Variants in SNTG2 observed in about 807,000 individuals in gnomAD.
The protein encoded by SNTG2 is syntrophin gamma 2, also known as gamma-2-syntrophin.
In SNTG2, 74 loss-of-function variants were observed where a neutral mutation model predicts 70.9. The observed-to-expected ratio is 1.04, with a 90% CI of 0.86 to 1.27. SNTG2 has a LOEUF of 1.27. Ranked by LOEUF, SNTG2 falls within the 50% of genes most tolerant of loss-of-function variation. The probability of loss-of-function intolerance (pLI) is 0.00; values close to 1 mark genes in which losing one functional copy is unlikely to be tolerated. For missense variants in SNTG2, 717 were observed against 690.7 expected, an observed-to-expected ratio of 1.04 and a Z score of -0.43; for synonymous variants, 278 against 273.8, an observed-to-expected ratio of 1.02 and a Z score of -0.15.
At chr2:1,272,148 C>T (rs1679056140) in intron 14 of SNTG2, among the ~76,000 whole-genome samples, 1 of 151,958 alleles carries the variant, frequency 6.6e-6, no homozygotes, top group Non-Finnish European at 1.5e-5. Flanking sequence ...ATTATTATTA[C>T]ATTGCAATCT....
At position 1,210,021 on chromosome 2, in the gene SNTG2, G is replaced by A. The variant is rs192123208; in HGVS notation, c.719+791G>A. On this transcript the variant is annotated intron_variant, in intron 9 of 16. Transcript: ENST00000308624. The stretch of plus-strand genomic sequence containing the variant: ...GTATGAATGTGTGTGGCTATAGTAT[G>A]TATGATGGGCAGACAGTACAACCTG... 7.9e-5 allele frequency among the ~76,000 whole-genome samples: 12 copies of A among 152,260 alleles called. No homozygotes were observed. The East Asian group carries it at 2.3e-3, about 29-fold the overall frequency.
chr2:1,360,741 T>G (rs1661094715), intron 16 of SNTG2, among the ~76,000 whole-genome samples: 1 of 152,056 alleles, frequency 6.6e-6, no homozygotes, highest in African/African-American at 2.4e-5. Flanking sequence ...CCCCCCTACA[T>G]CCAGCATCAT....
chr2:1,035,339 A>G (rs1015540033), intron 1 of SNTG2, among the ~76,000 whole-genome samples: 4 of 152,176 alleles, frequency 2.6e-5, no homozygotes, highest in Non-Finnish European at 4.4e-5. Context: ...CTGACTGGCA[A>G]TGATTGTCTG....
At chr2:1,058,143 C>T (rs1338382435) in intron 1 of SNTG2, among the ~76,000 whole-genome samples, 1 of 103,400 alleles carries the variant, frequency 9.7e-6, no homozygotes, top group Non-Finnish European at 1.9e-5. Flanking sequence ...TTGTTGCTGA[C>T]TAAGAGATAT....
chr2:1,105,981 A>T, intron 4 of SNTG2, among the ~76,000 whole-genome samples: 1 of 152,204 alleles, frequency 6.6e-6, no homozygotes. Context: ...GCACACTGTC[A>T]TTGGGGTGCA....
At chr2:985,857 T>C (rs962303529) in intron 1 of SNTG2, among the ~76,000 whole-genome samples, 1 of 152,070 alleles carries the variant, frequency 6.6e-6, no homozygotes, top group African/African-American at 2.4e-5. Flanking sequence ...ATTGCAAGAA[T>C]GATTAATATT....
At chr2:981,348 C>A (rs1661088798) in intron 1 of SNTG2, among the ~76,000 whole-genome samples, 2 of 152,186 alleles carry the variant, frequency 1.3e-5, no homozygotes, top group Admixed American at 1.3e-4. Context: ...GTTGCTGTTT[C>A]CAGGCATGCA....
chr2:1,003,391 A>G (rs1659469162), intron 1 of SNTG2, among the ~76,000 whole-genome samples: 1 of 152,222 alleles, frequency 6.6e-6, no homozygotes, highest in Non-Finnish European at 1.5e-5. Context: ...GACACAAGCC[A>G]GTGGCATCAG....
chr2:1,029,169 ATTTACT>A (rs1194954176), intron 1 of SNTG2, among the ~76,000 whole-genome samples: 3 of 152,128 alleles, frequency 2.0e-5, no homozygotes, highest in Admixed American at 6.5e-5. Flanking sequence ...AATAATTCAT[ATTTACT>A]TTTATGTTTC....
intron 14 of SNTG2, among the ~76,000 whole-genome samples, chr2:1,283,524 C>T (rs1243981892): frequency 6.6e-6 from 1 of 152,192 alleles, no homozygotes; most frequent in Non-Finnish European, 1.5e-5. Context: ...ACAGTCCCCT[C>T]CTTCCCAGAC....
At chr2:1,154,174 C>T (rs879307933) in intron 6 of SNTG2, among the ~76,000 whole-genome samples, 4 of 150,570 alleles carry the variant, frequency 2.7e-5, no homozygotes, top group Non-Finnish European at 4.4e-5. Context: ...CGGGGAGAGG[C>T]GGGAGGAGCA....
chr2:1,219,724 G>A (rs1674629437), intron 9 of SNTG2, among the ~76,000 whole-genome samples: 1 of 151,896 alleles, frequency 6.6e-6, no homozygotes, highest in Non-Finnish European at 1.5e-5. Flanking sequence ...GGGAGGGGAG[G>A]CGGAGAGGAA....
intron 16 of SNTG2, among the ~76,000 whole-genome samples, chr2:1,324,205 G>A (rs1049248752): frequency 9.2e-5 from 14 of 152,226 alleles, no homozygotes; most frequent in African/African-American, 3.4e-4. Flanking sequence ...GTATGGCTGA[G>A]TTGGGATGGT....
chr2:1,123,340 G>T (rs140917912), intron 4 of SNTG2, among the ~76,000 whole-genome samples: 8 of 152,296 alleles, frequency 5.3e-5, no homozygotes, highest in Admixed American at 4.6e-4. Flanking sequence ...ACAGTATGGT[G>T]TTGGTATAAA....
chr2:1,035,510 C>T (rs1222203714), intron 1 of SNTG2, among the ~76,000 whole-genome samples: 1 of 152,240 alleles, frequency 6.6e-6, no homozygotes, highest in Admixed American at 6.5e-5. Context: ...AGGACTGGAA[C>T]CAACTCTCCA....
At chr2:1,026,045 G>C (rs75326625) in intron 1 of SNTG2, among the ~76,000 whole-genome samples, 1 of 152,290 alleles carries the variant, frequency 6.6e-6, no homozygotes, top group Non-Finnish European at 1.5e-5. Context: ...CATGTTTATA[G>C]AAGTTAAAAT....
At chr2:1,171,850 C>T (rs887827038) in intron 7 of SNTG2, among the ~76,000 whole-genome samples, 1 of 152,150 alleles carries the variant, frequency 6.6e-6, no homozygotes, top group East Asian at 1.9e-4. Context: ...GAACGTTGCA[C>T]ATCACATTTG....
chr2:1,241,059 A>C (rs1357649171), intron 11 of SNTG2, among the ~76,000 whole-genome samples: 1 of 152,236 alleles, frequency 6.6e-6, no homozygotes, highest in Non-Finnish European at 1.5e-5. Context: ...AAGTTTTGAC[A>C]TGATCTCTAT....
At chr2:1,221,980 T>C (rs868968476) in intron 9 of SNTG2, among the ~76,000 whole-genome samples, 1 of 26,014 alleles carries the variant, frequency 3.8e-5, no homozygotes, top group African/African-American at 2.6e-4. Flanking sequence ...TCTGTCTCTG[T>C]CTCTCTCTGT....
Sources: gnomAD v4.1 joint callset for allele counts (sites outside exome capture counted in the v4.1 genomes callset) on GRCh38, gnomAD v4.1.1 for gene constraint, MANE v1.5 for transcripts, NCBI Gene and HGNC (gene_info 2026-07-23, HGNC 2026-07-21) for gene names.